The following SPATA4 variants were observed in gnomAD, a reference collection of about 807,000 sequenced individuals.
SPATA4 encodes spermatogenesis-associated protein 4.
Under a neutral mutation model 31.8 loss-of-function variants are expected in SPATA4, and 35 were observed. That is an observed-to-expected ratio of 1.10 (90% CI 0.84 to 1.46). SPATA4 has a LOEUF of 1.46. Ranked by LOEUF, SPATA4 falls within the 40% of genes most tolerant of loss-of-function variation. The pLI, the probability that SPATA4 is intolerant of heterozygous loss-of-function variation, is 0.00. For synonymous variants in SPATA4, 126 were observed against 132.4 expected (o/e 0.95, Z 0.33); for missense variants, 394 against 363.1 (o/e 1.09, Z -0.69).
chr4:176,187,249 C>T (rs571388382), intron 5 of SPATA4, among the ~76,000 whole-genome samples: 107 of 152,242 alleles, frequency 7.0e-4, no homozygotes, highest in African/African-American at 2.4e-3. Flanking sequence ...GCAGGAGTGG[C>T]TCTGTTCCCT....
intron 2 of SPATA4, 51 bp from the exon 3 acceptor site, chr4:176,193,127 C>A (rs1444739884): frequency 1.7e-6 from 2 of 1,182,642 alleles, no homozygotes; most frequent in South Asian, 1.4e-5. Context: ...TTATAAAAAT[C>A]TCCAAGTACT....
At chr4:176,193,606 GAAAT>G (rs1396778898) in intron 1 of SPATA4, 24 bp from the exon 2 acceptor site, 6 of 1,578,110 alleles carry the variant, frequency 3.8e-6, no homozygotes, top group Non-Finnish European at 5.1e-6. Context: ...ATTAGGAAAT[GAAAT>G]AAAGTGTAGT....
chr4:176,190,243 C>A (rs1286835704), intron 4 of SPATA4, among the ~76,000 whole-genome samples: 1 of 151,626 alleles, frequency 6.6e-6, no homozygotes, highest in East Asian at 1.9e-4. Flanking sequence ...GGGCATAAGA[C>A]GATAGGGGGG....
At chr4:176,194,386 A>G (rs1579296681) in intron 1 of SPATA4, 1 of 18,748 alleles carries the variant, frequency 5.3e-5, no homozygotes, top group South Asian at 1.3e-3. Flanking sequence ...ACAGTGTGTG[A>G]TAAGTGCTTA....
chr4:176,193,097 T>C lies in SPATA4; in HGVS notation c.349-21A>G, dbSNP rs763310185. 7.7e-6 allele frequency: 11 copies of C among 1,420,602 alleles called. 1 individual carries two copies. The South Asian group carries it at 8.7e-5, about 11-fold the overall frequency. 88.0% of individuals were successfully genotyped at this position (1,420,602 alleles called of 1,614,324 possible). ...AGGAACTTTAATAGTAGAAAGAAAA[T>C]GTTTTTATCATAAGAACTTTTATAA... On this transcript the variant is annotated intron_variant, in intron 2 of 5. Transcript: ENST00000280191.
chr4:176,187,147 C>T (rs1201232017), intron 5 of SPATA4, among the ~76,000 whole-genome samples: 1 of 152,072 alleles, frequency 6.6e-6, no homozygotes, highest in Non-Finnish European at 1.5e-5. Context: ...CTAAATCTGG[C>T]AACTCAACTT....
chr4:176,185,841 T>C (rs1487972997), intron 5 of SPATA4, among the ~76,000 whole-genome samples: 3 of 152,190 alleles, frequency 2.0e-5, no homozygotes, highest in Admixed American at 6.5e-5. Context: ...TAAATGTATG[T>C]TCACCTTCCC....
intron 4 of SPATA4, among the ~76,000 whole-genome samples, chr4:176,191,078 TATAA>T (rs1174934170): frequency 6.9e-6 from 1 of 144,890 alleles, no homozygotes; most frequent in Non-Finnish European, 1.5e-5. Flanking sequence ...AAGAATAATA[TATAA>T]ATAGTATGTA....
chr4:176,190,379 T>A (rs1204043115), intron 4 of SPATA4, among the ~76,000 whole-genome samples: 1 of 152,222 alleles, frequency 6.6e-6, no homozygotes, highest in African/African-American at 2.4e-5. Context: ...CAGTGTTAAC[T>A]ATGAAGCTTG....
intron 1 of SPATA4, chr4:176,194,215 C>T (rs1752577675): frequency 6.6e-6 from 1 of 152,184 alleles, no homozygotes; most frequent in African/African-American, 2.4e-5. Context: ...AGAGAGAAAC[C>T]ATAAAATTAT....
Position 176,193,516 on chromosome 4 carries a change from T to C in SPATA4, c.285A>G (p.Leu95=), listed in dbSNP as rs774877622. The C allele has an allele frequency of 5.0e-6, 8 of 1,613,696 alleles. No individual in the cohort carries two copies. The African/African-American group carries it at 6.7e-5, about 13-fold the overall frequency. Reference sequence around the variant, plus strand: ...AAGAGGTCCCGTTTTCAAAGGATGATAATTCAAGTTCCCAGGGGTAATATA... The same window carrying C: ...AAGAGGTCCCGTTTTCAAAGGATGACAATTCAAGTTCCCAGGGGTAATATA... ...FCIYYPWELE[L]SSFENGTSLK... Residue 95 remains leucine, a synonymous_variant, in exon 2 of 6, where the codon TTA becomes TTG. Coordinates refer to ENST00000280191, the MANE Select transcript of SPATA4 (RefSeq NM_144644.4).
chr4:176,190,099 T>C (rs1752504736), intron 4 of SPATA4, among the ~76,000 whole-genome samples: 1 of 152,174 alleles, frequency 6.6e-6, no homozygotes, highest in Non-Finnish European at 1.5e-5. Flanking sequence ...GTCTATAATC[T>C]ATAGATAACA....
intron 4 of SPATA4, among the ~76,000 whole-genome samples, chr4:176,190,789 C>T (rs4690667): frequency 0.97 from 148,073 of 152,204 alleles, 72,145 homozygotes; most frequent in East Asian, 1. Flanking sequence ...TTGATTCCAG[C>T]TGAAGAAAGA....
At position 176,188,149 on chromosome 4, in the gene SPATA4, C is replaced by A. The variant is rs1752474231; in HGVS notation, c.775G>T (p.Val259Phe). 1 of 1,613,404 alleles carries A rather than the reference C, an allele frequency of 6.2e-7. No individual in the cohort carries two copies. Among genetic ancestry groups the A allele is most frequent in the East Asian group, 2.2e-5 (1 of 44,846 alleles). The part of the protein sequence containing the change: ...QASGRRYNLK[V>F]KRGRVVPVLP... ...ACAGGGACAACTCTTCCTCTTTTAACTTTTAAATTATATCTGCGCCCAGAG... is the reference window on the plus strand; with the variant it reads ...ACAGGGACAACTCTTCCTCTTTTAAATTTTAAATTATATCTGCGCCCAGAG... The change falls in exon 5 of 6, where the codon GTT becomes TTT. Residue 259 changes from valine (V) to phenylalanine (F), a missense_variant. Physicochemically the swap from Val to Phe is conservative, Grantham distance 50. Coordinates refer to ENST00000280191, the MANE Select transcript of SPATA4 (RefSeq NM_144644.4).
intron 2 of SPATA4, 58 bp downstream of exon 2, chr4:176,193,395 T>C (rs1310573849): frequency 9.5e-6 from 15 of 1,579,110 alleles, no homozygotes; most frequent in African/African-American, 1.4e-5. Context: ...GAAATTAGCA[T>C]GGCACACTTT....
chr4:176,190,714 A>G (rs1476993232), intron 4 of SPATA4, among the ~76,000 whole-genome samples: 1 of 152,180 alleles, frequency 6.6e-6, no homozygotes. Context: ...TGTCCCTTGT[A>G]GCAATAGCAG....
chr4:176,189,930 T>A (rs976668540), intron 4 of SPATA4, among the ~76,000 whole-genome samples: 31 of 152,162 alleles, frequency 2.0e-4, no homozygotes, highest in African/African-American at 7.2e-4. Flanking sequence ...GAGTGAGCAA[T>A]TCCTGTCCCT....
rs1561240438 is a variant in SPATA4 at position 176,192,645 on chromosome 4, C to CA, written c.669_670insT (p.Gly224TrpfsTer10). 1.2e-6 allele frequency: 2 copies of CA among 1,613,866 alleles called. No homozygotes were observed. The highest frequency in any genetic ancestry group is 2.7e-5 in the African/African-American group (2 of 74,900). ...AACTTACCTGGATTCAATTTTCTGC[C>CA]TAATTTTCTTTGCAACATATGTAAA... is the stretch of plus-strand genomic sequence containing the variant. On this transcript the variant is annotated frameshift_variant, in exon 4 of 6. Coordinates refer to ENST00000280191, the MANE Select transcript of SPATA4 (RefSeq NM_144644.4). LOFTEE classifies it high-confidence loss of function.
At chr4:176,194,409 A>T (rs2126925334) in intron 1 of SPATA4, 1 of 152,326 alleles carries the variant, frequency 6.6e-6, no homozygotes, top group East Asian at 1.9e-4. Context: ...TAAGATTTTT[A>T]AAAAGGCATT....
Sources: allele counts gnomAD v4.1 joint callset (sites outside exome capture counted in the v4.1 genomes callset), GRCh38; gene constraint gnomAD v4.1.1; transcripts MANE v1.5; gene names NCBI Gene and HGNC (gene_info 2026-07-23, HGNC 2026-07-21).